MSRA: variants seen among roughly 807,000 people sequenced by gnomAD.
MSRA encodes the protein methionine sulfoxide reductase A.
In MSRA, 54 loss-of-function variants were observed where a neutral mutation model predicts 31.3. The observed-to-expected ratio is 1.73, with a 90% confidence interval of 1.39 to 2.17. The LOEUF is 2.17. Ranked by LOEUF, MSRA falls within the 30% of genes most tolerant of loss-of-function variation. The pLI is 0.00. For synonymous variants in MSRA, 169 were observed against 116.5 expected (o/e 1.45, Z -2.90); for missense variants, 507 against 300.9 (o/e 1.69, Z -5.07).
At chr8:10,252,115 T>G (rs6988826) in intron 3 of MSRA, among the ~76,000 whole-genome samples, 1 of 152,118 alleles carries the variant, frequency 6.6e-6, no homozygotes, top group Non-Finnish European at 1.5e-5. Flanking sequence ...TGAAAAGTTA[T>G]TAAGAATGTT....
intron 2 of MSRA, among the ~76,000 whole-genome samples, chr8:10,236,618 C>G (rs554632719): frequency 6.6e-6 from 1 of 152,184 alleles, no homozygotes; most frequent in African/African-American, 2.4e-5. Flanking sequence ...AATCTCAGCT[C>G]GCTGCAACCT....
chr8:10,354,428 G>A (rs189552695), intron 5 of MSRA, among the ~76,000 whole-genome samples: 1 of 152,260 alleles, frequency 6.6e-6, no homozygotes, highest in East Asian at 1.9e-4. Context: ...CTTTCTGGAG[G>A]AACAGAACTT....
At chr8:10,397,580 A>G (rs561559271) in intron 5 of MSRA, among the ~76,000 whole-genome samples, 2 of 152,316 alleles carry the variant, frequency 1.3e-5, no homozygotes, top group African/African-American at 4.8e-5. Flanking sequence ...CACATCTTTC[A>G]TTGGTCTTCA....
intron 2 of MSRA, among the ~76,000 whole-genome samples, chr8:10,228,885 C>T (rs1413157363): frequency 6.6e-6 from 1 of 152,150 alleles, no homozygotes; most frequent in Admixed American, 6.5e-5. Context: ...CCCTTAACTT[C>T]CTTTTTCTTC....
intron 1 of MSRA, among the ~76,000 whole-genome samples, chr8:10,186,543 A>T (rs1166978155): frequency 1.3e-5 from 2 of 152,222 alleles, no homozygotes; most frequent in East Asian, 3.8e-4. Context: ...GGCAGGCTGG[A>T]TATGGGTAGC....
intron 3 of MSRA, among the ~76,000 whole-genome samples, chr8:10,260,401 C>T (rs1488967740): frequency 2.0e-5 from 3 of 152,118 alleles, no homozygotes; most frequent in Non-Finnish European, 4.4e-5. Context: ...GCAAAGTTTC[C>T]ACAGAGGAGA....
chr8:10,229,383 G>A (rs1811270529), intron 2 of MSRA, among the ~76,000 whole-genome samples: 1 of 152,206 alleles, frequency 6.6e-6, no homozygotes, highest in Admixed American at 6.5e-5. Context: ...AACTGGCTCA[G>A]GAATTCTGTA....
intron 3 of MSRA, chr8:10,250,349 A>G: frequency 1.4e-6 from 1 of 694,252 alleles, no homozygotes; most frequent in East Asian, 2.7e-5. Context: ...CCTAATATAC[A>G]AATACCCCAT....
chr8:10,166,131 G>A (rs1055158009), intron 1 of MSRA, among the ~76,000 whole-genome samples: 5 of 152,196 alleles, frequency 3.3e-5, no homozygotes, highest in African/African-American at 1.2e-4. Flanking sequence ...GCTTCACTCT[G>A]GAGAGCCAGG....
At chr8:10,154,534 C>G (rs772105965) in intron 1 of MSRA, among the ~76,000 whole-genome samples, 1 of 152,050 alleles carries the variant, frequency 6.6e-6, no homozygotes, top group Non-Finnish European at 1.5e-5. Context: ...CCCGCCACCA[C>G]GCCCAACTAA....
chr8:10,084,909 T>A (rs954362440), intron 1 of MSRA, among the ~76,000 whole-genome samples: 4 of 151,968 alleles, frequency 2.6e-5, no homozygotes, highest in African/African-American at 9.7e-5. Flanking sequence ...AACATTCTTT[T>A]ATTTTTTAAA....
intron 1 of MSRA, among the ~76,000 whole-genome samples, chr8:10,162,127 C>T (rs996053277): frequency 2.6e-5 from 4 of 152,100 alleles, no homozygotes; most frequent in Admixed American, 6.5e-5. Flanking sequence ...AACAAAGTGA[C>T]GGAGTTGGGC....
intron 3 of MSRA, among the ~76,000 whole-genome samples, chr8:10,272,655 C>G (rs569053754): frequency 1.8e-4 from 28 of 152,316 alleles, no homozygotes; most frequent in Admixed American, 7.2e-4. Flanking sequence ...ATAAAATTAA[C>G]CCTCACTCTT....
At chr8:10,325,097 T>G (rs543527933) in intron 5 of MSRA, among the ~76,000 whole-genome samples, 1 of 152,288 alleles carries the variant, frequency 6.6e-6, no homozygotes, top group East Asian at 1.9e-4. Context: ...TCTAAAGTGA[T>G]GCATTAGTGT....
intron 1 of MSRA, chr8:10,095,579 A>G (rs1025678834): frequency 1.0e-6 from 1 of 986,134 alleles, no homozygotes; most frequent in African/African-American, 1.7e-5. Context: ...AGGGAGAGAG[A>G]GAGGCAGAGG....
intron 5 of MSRA, among the ~76,000 whole-genome samples, chr8:10,417,793 C>CGTGTGTGTGTGTGTGTGTGTGT (rs1394839720): frequency 1.6e-5 from 1 of 64,332 alleles, no homozygotes; most frequent in African/African-American, 6.6e-5. Context: ...TGTACACGCA[C>CGTGTGTGTGTGTGTGTGTGTGT]GTGTGCACAC....
chr8:10,415,024 A>C (rs1808372169), intron 5 of MSRA, among the ~76,000 whole-genome samples: 1 of 152,210 alleles, frequency 6.6e-6, no homozygotes, highest in African/African-American at 2.4e-5. Context: ...AGGAAAGCCC[A>C]AATCAAGAGG....
At chr8:10,131,570 C>T (rs1228349620) in intron 1 of MSRA, among the ~76,000 whole-genome samples, 1 of 152,196 alleles carries the variant, frequency 6.6e-6, no homozygotes, top group Admixed American at 6.5e-5. Flanking sequence ...GGATTTACTG[C>T]TCGTTAATGA....
chr8:10,191,739 T>C (rs959739734), intron 1 of MSRA, among the ~76,000 whole-genome samples: 1 of 152,126 alleles, frequency 6.6e-6, no homozygotes, highest in Non-Finnish European at 1.5e-5. Flanking sequence ...CCTGTGGAAA[T>C]TGGCATTATA....
Sources: gnomAD v4.1 joint callset for allele counts (sites outside exome capture counted in the v4.1 genomes callset) on GRCh38, gnomAD v4.1.1 for gene constraint, MANE v1.5 for transcripts, NCBI Gene and HGNC (gene_info 2026-07-23, HGNC 2026-07-21) for gene names.